CHSY3: variants seen among roughly 807,000 people sequenced by gnomAD.
CHSY3 encodes the protein N-acetylgalactosaminyl-proteoglycan 3-beta-glucuronosyltransferase 3.
A neutral mutation model predicts 67.2 loss-of-function variants in CHSY3; 35 were observed. The ratio of observed to expected loss-of-function variants is 0.52; its 90% CI spans 0.40 to 0.69. CHSY3 has a LOEUF of 0.69. Ranked by LOEUF, CHSY3 falls within the 30% of genes least tolerant of loss-of-function variation. The probability of loss-of-function intolerance (pLI) is 0.00; values close to 1 mark genes in which losing one functional copy is unlikely to be tolerated. For missense variants in CHSY3, 1,069 were observed against 1,138.5 expected (o/e 0.94, Z 0.88); for synonymous variants, 474 against 434.7 (o/e 1.09, Z -1.12).
intron 2 of CHSY3, among the ~76,000 whole-genome samples, chr5:130,009,524 A>G (rs1763985265): frequency 6.6e-6 from 1 of 152,112 alleles, no homozygotes; most frequent in Non-Finnish European, 1.5e-5. Context: ...AGAAGAAAGA[A>G]AGAAAAAAGT....
chr5:130,025,578 C>T (rs1764518465), intron 2 of CHSY3, among the ~76,000 whole-genome samples: 1 of 152,054 alleles, frequency 6.6e-6, no homozygotes, highest in South Asian at 2.1e-4. Flanking sequence ...TTCTAAACAA[C>T]CAAAATTTAT....
chr5:130,132,571 C>T (rs1768518779), intron 2 of CHSY3, among the ~76,000 whole-genome samples: 1 of 152,070 alleles, frequency 6.6e-6, no homozygotes, highest in Non-Finnish European at 1.5e-5. Flanking sequence ...GTAGTTAGAC[C>T]TTCTGCTTTC....
chr5:130,001,790 G>A (rs961922712), intron 2 of CHSY3: 1 of 816,658 alleles, frequency 1.2e-6, no homozygotes, highest in Non-Finnish European at 1.5e-6. Context: ...ATAGTTTCCT[G>A]TATATCTAGA....
intron 2 of CHSY3, among the ~76,000 whole-genome samples, chr5:130,151,853 G>A (rs1417623188): frequency 6.6e-6 from 1 of 152,190 alleles, no homozygotes; most frequent in Non-Finnish European, 1.5e-5. Flanking sequence ...TGAGATTTGA[G>A]TGGGAAAACA....
At chr5:130,168,618 T>C (rs1769814635) in intron 2 of CHSY3, among the ~76,000 whole-genome samples, 1 of 152,148 alleles carries the variant, frequency 6.6e-6, no homozygotes, top group South Asian at 2.1e-4. Context: ...AATTGTCTTT[T>C]AGACAAAGTT....
At chr5:130,181,658 C>G (rs1011266189) in intron 2 of CHSY3, among the ~76,000 whole-genome samples, 1 of 152,152 alleles carries the variant, frequency 6.6e-6, no homozygotes, top group South Asian at 2.1e-4. Context: ...ATGACCACCA[C>G]CTGGATAAAT....
At chr5:129,986,909 C>G (rs1011128696) in intron 2 of CHSY3, among the ~76,000 whole-genome samples, 7 of 152,286 alleles carry the variant, frequency 4.6e-5, no homozygotes, top group African/African-American at 1.7e-4. Context: ...TCCCAAAGTA[C>G]TGGGATTATA....
chr5:129,926,016 A>G (rs1222655283), intron 2 of CHSY3, among the ~76,000 whole-genome samples: 1 of 152,070 alleles, frequency 6.6e-6, no homozygotes, highest in African/African-American at 2.4e-5. Flanking sequence ...GACATATAGG[A>G]TAATAAATCT....
At chr5:130,168,334 C>T (rs1769807145) in intron 2 of CHSY3, among the ~76,000 whole-genome samples, 1 of 152,068 alleles carries the variant, frequency 6.6e-6, no homozygotes, top group African/African-American at 2.4e-5. Context: ...GTTTCACATC[C>T]CAGTGCCACA....
rs1452298697 is a variant in CHSY3, at chr5:130,185,021, C to G, written c.1879C>G (p.Leu627Val). The change falls in exon 3 of 3, where the codon CTC (leucine) becomes GTC (valine). Residue 627 changes from leucine (L) to valine (V), a missense_variant. By Grantham distance (32) the Leu-to-Val change is conservative (BLOSUM62 1). This residue lies in a region of CHSY3 where 401 missense variants were observed against 395.2 expected (regional missense o/e 1.01). Coordinates refer to ENST00000305031, the MANE Select transcript of CHSY3 (RefSeq NM_175856.5). ...AAAGAAAGTACACATTCTCGTTCCT[C>G]TCATCGGAAGGTATGACATTTTCTT... ...NEKKVHILVP[L>V]IGRYDIFLRF... is the part of the protein sequence containing the mutation. 4.4e-6 allele frequency: 7 copies of G among 1,579,236 alleles called. No individual in the cohort carries two copies. Among genetic ancestry groups the G allele is most frequent in the Non-Finnish European group, 5.2e-6 (6 of 1,148,334 alleles).
At chr5:129,924,414 G>A (rs192344680) in intron 2 of CHSY3, among the ~76,000 whole-genome samples, 73 of 152,046 alleles carry the variant, frequency 4.8e-4, no homozygotes, top group African/African-American at 1.6e-3. Context: ...TTGGGAGGCC[G>A]AGGCAGGCGG....
chr5:129,908,450 T>C (rs1444513126), intron 2 of CHSY3, 90 bp downstream of exon 2: 1 of 1,495,816 alleles, frequency 6.7e-7, no homozygotes, highest in African/African-American at 1.4e-5. Flanking sequence ...ATTCTCTCTG[T>C]ATCTTTGTAT....
chr5:129,933,755 T>G (rs775655588), intron 2 of CHSY3, among the ~76,000 whole-genome samples: 1 of 152,164 alleles, frequency 6.6e-6, no homozygotes, highest in African/African-American at 2.4e-5. Context: ...CTAAATTCTT[T>G]TGTATAATTC....
At chr5:130,029,328 T>A (rs4449574) in intron 2 of CHSY3, among the ~76,000 whole-genome samples, 92,704 of 151,946 alleles carry the variant, frequency 0.61, 28,521 homozygotes, top group African/African-American at 0.68. Context: ...CATAACATTT[T>A]TAAGTGTTAA....
At chr5:130,149,668 C>T (rs765011197) in intron 2 of CHSY3, among the ~76,000 whole-genome samples, 5 of 152,112 alleles carry the variant, frequency 3.3e-5, no homozygotes, top group Non-Finnish European at 5.9e-5. Flanking sequence ...CCCATTATGA[C>T]AGATTATTAT....
chr5:130,162,190 C>T (rs559403545), intron 2 of CHSY3, among the ~76,000 whole-genome samples: 3 of 152,088 alleles, frequency 2.0e-5, no homozygotes, highest in South Asian at 2.1e-4. Context: ...AGTCATTCCT[C>T]GATTTGTTGG....
chr5:129,991,545 A>G (rs1273772654), intron 2 of CHSY3, among the ~76,000 whole-genome samples: 1 of 152,196 alleles, frequency 6.6e-6, no homozygotes, highest in Non-Finnish European at 1.5e-5. Context: ...GTAAAGCTAA[A>G]GAATATGTAG....
chr5:129,979,511 TG>T (rs967183237), intron 2 of CHSY3, among the ~76,000 whole-genome samples: 2 of 152,156 alleles, frequency 1.3e-5, no homozygotes, highest in African/African-American at 2.4e-5. Flanking sequence ...AGATTTCCCA[TG>T]TATCTCCGAC....
chr5:130,072,103 C>T (rs1017744390), intron 2 of CHSY3, among the ~76,000 whole-genome samples: 2 of 151,852 alleles, frequency 1.3e-5, no homozygotes, highest in African/African-American at 2.4e-5. Context: ...ATATTAACCC[C>T]TTATCAGACA....
Sources: gnomAD v4.1 joint callset for allele counts (sites outside exome capture counted in the v4.1 genomes callset) on GRCh38, gnomAD v4.1.1 for gene constraint, gnomAD v4.1.1 regional missense constraint, MANE v1.5 for transcripts, NCBI Gene and HGNC (gene_info 2026-07-23, HGNC 2026-07-21) for gene names.